DMGDH: variants seen among roughly 807,000 people sequenced by gnomAD.
DMGDH encodes dimethylglycine dehydrogenase, mitochondrial.
Under a neutral mutation model 95.2 loss-of-function variants are expected in DMGDH, and 76 were observed. The observed-to-expected ratio is 0.80, with a 90% confidence interval of 0.66 to 0.97. The LOEUF is 0.97. Ranked by LOEUF, DMGDH falls within the 50% of genes least tolerant of loss-of-function variation. The pLI, the probability that DMGDH is intolerant of heterozygous loss-of-function variation, is 0.00. For missense variants in DMGDH, 987 were observed against 1,055.0 expected, an observed-to-expected ratio of 0.94 and a Z score of 0.89; for synonymous variants, 345 against 377.6, an observed-to-expected ratio of 0.91 and a Z score of 1.00.
intron 7 of DMGDH, among the ~76,000 whole-genome samples, chr5:79,035,888 T>C (rs1754334638): frequency 6.6e-6 from 1 of 152,242 alleles, no homozygotes; most frequent in African/African-American, 2.4e-5. Flanking sequence ...ACCAATCCCT[T>C]TTCTGATGTC....
intron 14 of DMGDH, among the ~76,000 whole-genome samples, chr5:79,006,845 A>ACC (rs3214906): frequency 1.0e-5 from 1 of 95,266 alleles, no homozygotes; most frequent in East Asian, 2.5e-4. Flanking sequence ...CTCACCTGAG[A>ACC]CCCCCCCAGT....
chr5:78,999,308 C>T (rs1405941687), intron 15 of DMGDH, among the ~76,000 whole-genome samples: 2 of 152,122 alleles, frequency 1.3e-5, no homozygotes, highest in African/African-American at 4.8e-5. Flanking sequence ...AAATCAGAAG[C>T]TCTCCATATG....
chr5:79,049,230 A>G (rs1431120024), intron 5 of DMGDH, among the ~76,000 whole-genome samples: 1 of 152,194 alleles, frequency 6.6e-6, no homozygotes, highest in Non-Finnish European at 1.5e-5. Flanking sequence ...AGATCATTCT[A>G]TCTTCCTCTT....
intron 14 of DMGDH, among the ~76,000 whole-genome samples, chr5:79,006,232 G>T: frequency 7.1e-6 from 1 of 139,988 alleles, no homozygotes; most frequent in African/African-American, 2.5e-5. Context: ...AAAAAAAAAA[G>T]TAGGAATCAG....
At chr5:79,002,488 A>T (rs1319547335) in intron 15 of DMGDH, among the ~76,000 whole-genome samples, 1 of 152,148 alleles carries the variant, frequency 6.6e-6, no homozygotes, top group Non-Finnish European at 1.5e-5. Context: ...CTGACATGCA[A>T]TATACTTTAT....
chr5:79,006,839 C>T (rs990950640), intron 14 of DMGDH, among the ~76,000 whole-genome samples: 27 of 132,512 alleles, frequency 2.0e-4, no homozygotes, highest in African/African-American at 7.4e-4. Flanking sequence ...CACACCCTCA[C>T]CTGAGACCCC....
At chr5:79,066,748 G>A (rs943333832) in intron 1 of DMGDH, among the ~76,000 whole-genome samples, 1 of 152,166 alleles carries the variant, frequency 6.6e-6, no homozygotes, top group Non-Finnish European at 1.5e-5. Context: ...TATGATGTTG[G>A]TTTGTCCTGA....
At chr5:79,063,178 G>C (rs886986245) in intron 2 of DMGDH, among the ~76,000 whole-genome samples, 4 of 152,110 alleles carry the variant, frequency 2.6e-5, no homozygotes, top group Admixed American at 1.3e-4. Flanking sequence ...TATAGGTAAA[G>C]ATCTTGGGCC....
chr5:79,005,892 T>C (rs1275198738), intron 14 of DMGDH, among the ~76,000 whole-genome samples: 2 of 152,196 alleles, frequency 1.3e-5, no homozygotes, highest in Admixed American at 6.5e-5. Flanking sequence ...CTCTGGAATG[T>C]ATTTACCTAT....
chr5:79,049,624 C>T (rs1034140328), intron 5 of DMGDH, among the ~76,000 whole-genome samples: 1 of 152,132 alleles, frequency 6.6e-6, no homozygotes, highest in Non-Finnish European at 1.5e-5. Context: ...ATCCTTGCTA[C>T]TTAGAAAAAA....
At chr5:79,031,662 A>G (rs1754181907) in intron 9 of DMGDH, among the ~76,000 whole-genome samples, 1 of 152,258 alleles carries the variant, frequency 6.6e-6, no homozygotes, top group African/African-American at 2.4e-5. Context: ...CAGACCTGGA[A>G]CAAAGGTCTC....
chr5:79,054,487 C>T (rs1754964480), intron 3 of DMGDH, 139 bp from the exon 4 acceptor site: 4 of 928,694 alleles, frequency 4.3e-6, no homozygotes, highest in Non-Finnish European at 6.6e-6. Context: ...AAAATATTTG[C>T]ATCTTATTAA....
intron 2 of DMGDH, among the ~76,000 whole-genome samples, chr5:79,060,551 T>C (rs1304154983): frequency 6.6e-6 from 1 of 152,156 alleles, no homozygotes; most frequent in Non-Finnish European, 1.5e-5. Flanking sequence ...TTTATTTTTA[T>C]AGTCTGCCTC....
intron 14 of DMGDH, among the ~76,000 whole-genome samples, chr5:79,016,107 G>A (rs368306784): frequency 3.3e-5 from 5 of 151,972 alleles, no homozygotes; most frequent in African/African-American, 1.2e-4. Flanking sequence ...GTGTGGTGGT[G>A]CATGTCTGTA....
At chr5:79,000,392 T>C (rs1753433543) in intron 15 of DMGDH, 2 of 639,318 alleles carry the variant, frequency 3.1e-6, no homozygotes, top group South Asian at 1.4e-5. Context: ...CTGTGGGTGG[T>C]ACTAGCTATT....
chr5:79,030,734 T>A, intron 10 of DMGDH, 99 bp downstream of exon 10: 2 of 1,223,536 alleles, frequency 1.6e-6, no homozygotes, highest in African/African-American at 1.5e-5. Context: ...AGAGTTCTAG[T>A]GTTCATCCAG....
intron 2 of DMGDH, among the ~76,000 whole-genome samples, chr5:79,058,318 T>G (rs1755093096): frequency 6.6e-6 from 1 of 152,240 alleles, no homozygotes; most frequent in South Asian, 2.1e-4. Context: ...TTTAAATTAT[T>G]TGAAAGTGAT....
chr5:79,052,273 G>T (rs1238154153), intron 4 of DMGDH, among the ~76,000 whole-genome samples: 1 of 152,092 alleles, frequency 6.6e-6, no homozygotes, highest in East Asian at 1.9e-4. Context: ...TTCTTTTTGG[G>T]GGGATGCCTT....
chr5:79,023,415 G>C (rs1411219506), intron 14 of DMGDH, among the ~76,000 whole-genome samples: 1 of 152,188 alleles, frequency 6.6e-6, no homozygotes, highest in Non-Finnish European at 1.5e-5. Flanking sequence ...TGTAAGGCTT[G>C]TACAGATGAG....
Sources: allele counts gnomAD v4.1 joint callset (sites outside exome capture counted in the v4.1 genomes callset), GRCh38; gene constraint gnomAD v4.1.1; transcripts MANE v1.5; gene names NCBI Gene and HGNC (gene_info 2026-07-23, HGNC 2026-07-21).